Variants in ANXA8 observed in about 807,000 individuals in gnomAD.
ANXA8 encodes VAC-beta.
A neutral mutation model predicts 26.8 loss-of-function variants in ANXA8; 9 were observed. That is an observed-to-expected ratio of 0.34 (90% CI 0.20 to 0.59). The LOEUF is 0.59. ANXA8 is among the 20% of genes least tolerant of loss of function. ANXA8 has a pLI of 0.84. For missense variants in ANXA8, 83 were observed against 238.5 expected (o/e 0.35, Z 4.29); for synonymous variants, 39 against 94.8 (o/e 0.41, Z 3.42).
the ANXA8 span, among the ~76,000 whole-genome samples, chr10:47,684,398 G>A: frequency 7.0e-6 from 1 of 142,506 alleles, no homozygotes; most frequent in Non-Finnish European, 1.5e-5. Context: ...AATTAATAGG[G>A]CCACTTTCTA....
the ANXA8 span, among the ~76,000 whole-genome samples, chr10:47,977,612 A>G: frequency 8.7e-4 from 132 of 151,712 alleles, 2 homozygotes; most frequent in African/African-American, 3.0e-3. Context: ...CATATCAATA[A>G]AGAGATAGAA....
the ANXA8 span, among the ~76,000 whole-genome samples, chr10:47,683,378 G>A: frequency 4.9e-4 from 75 of 151,530 alleles, no homozygotes; most frequent in East Asian, 0.01. Flanking sequence ...ACAGGCGCCC[G>A]CCACCACGCC....
chr10:47,648,134 C>A, the ANXA8 span, among the ~76,000 whole-genome samples: 118 of 151,684 alleles, frequency 7.8e-4, no homozygotes, highest in East Asian at 0.012. Context: ...GCTCCTAGGG[C>A]AAGGGGATGT....
chr10:47,595,680 T>A, the ANXA8 span, among the ~76,000 whole-genome samples: 1 of 130,422 alleles, frequency 7.7e-6, no homozygotes, highest in Non-Finnish European at 1.8e-5. Context: ...TATTGCTTAA[T>A]GACAAAGGGC....
chr10:47,585,262 T>A, the ANXA8 span, among the ~76,000 whole-genome samples: 1 of 10,936 alleles, frequency 9.1e-5, no homozygotes, highest in East Asian at 1.9e-3. Context: ...AGACTCCATC[T>A]CAAAAAAAAA....
At chr10:47,748,085 G>A in the ANXA8 span, among the ~76,000 whole-genome samples, 4 of 152,136 alleles carry the variant, frequency 2.6e-5, no homozygotes, top group Admixed American at 1.3e-4. Context: ...TAGAAGGGAG[G>A]AAGATGGGGC....
At chr10:47,901,166 G>A in the ANXA8 span, among the ~76,000 whole-genome samples, 1 of 132,850 alleles carries the variant, frequency 7.5e-6, no homozygotes, top group Non-Finnish European at 1.6e-5. Context: ...AAGTTCAGAA[G>A]GCAAGGATCT....
At chr10:47,498,064 T>TAGG in the ANXA8 span, among the ~76,000 whole-genome samples, 1 of 133,990 alleles carries the variant, frequency 7.5e-6, no homozygotes, top group African/African-American at 2.7e-5. Flanking sequence ...GGTTGGGTAA[T>TAGG]GTATATTCAC....
the ANXA8 span, among the ~76,000 whole-genome samples, chr10:47,670,508 A>G: frequency 6.6e-6 from 1 of 152,094 alleles, no homozygotes; most frequent in Non-Finnish European, 1.5e-5. Context: ...CAATTTCTCC[A>G]CATTTTTGCC....
At chr10:47,533,377 C>A in the ANXA8 span, among the ~76,000 whole-genome samples, 1 of 151,624 alleles carries the variant, frequency 6.6e-6, no homozygotes, top group Non-Finnish European at 1.5e-5. Flanking sequence ...TGGTCCAGTC[C>A]AAACCACCAT....
chr10:47,606,541 G>T, the ANXA8 span, among the ~76,000 whole-genome samples: 1 of 148,262 alleles, frequency 6.7e-6, no homozygotes, highest in Non-Finnish European at 1.5e-5. Context: ...AAAAGAACAA[G>T]ATCTTGTTCT....
the ANXA8 span, among the ~76,000 whole-genome samples, chr10:47,675,868 A>G: frequency 7.9e-5 from 12 of 151,740 alleles, no homozygotes; most frequent in South Asian, 2.1e-4. Context: ...AAAGGTTAAC[A>G]ATATGCTTGA....
At chr10:47,484,656 G>A, upstream of ANXA8, 2 of 922,082 alleles carry the variant, frequency 2.2e-6, no homozygotes, top group Middle Eastern at 3.5e-4. Context: ...CCATTCAGAG[G>A]CATCACTGGA....
At chr10:47,975,293 G>C in the ANXA8 span, among the ~76,000 whole-genome samples, 1 of 149,498 alleles carries the variant, frequency 6.7e-6, no homozygotes, top group African/African-American at 2.4e-5. Flanking sequence ...GTTCAAAGAA[G>C]AAAGTTATCA....
the ANXA8 span, among the ~76,000 whole-genome samples, chr10:47,959,784 C>CT: frequency 5.3e-5 from 8 of 150,324 alleles, no homozygotes; most frequent in Non-Finnish European, 8.8e-5. Context: ...CCCCTGGAAT[C>CT]TAGGTGAGCT....
At chr10:47,653,982 A>G in the ANXA8 span, among the ~76,000 whole-genome samples, 2 of 150,900 alleles carry the variant, frequency 1.3e-5, no homozygotes, top group South Asian at 2.1e-4. Context: ...GGGTAGGAAC[A>G]CCTAGGGATA....
At chr10:47,694,417 CTT>C in the ANXA8 span, among the ~76,000 whole-genome samples, 5,611 of 107,424 alleles carry the variant, frequency 0.052, 139 homozygotes, top group African/African-American at 0.16. Context: ...AGAAATCTTC[CTT>C]TTTTTTTTTT....
At chr10:47,533,236 C>CACATACACA in the ANXA8 span, among the ~76,000 whole-genome samples, 1 of 138,988 alleles carries the variant, frequency 7.2e-6, no homozygotes, top group Non-Finnish European at 1.5e-5. Flanking sequence ...CCCGCAGACA[C>CACATACACA]CCTAGTGGCC....
chr10:47,941,417 G>A, the ANXA8 span, among the ~76,000 whole-genome samples: 1 of 146,898 alleles, frequency 6.8e-6, no homozygotes, highest in Non-Finnish European at 1.5e-5. Flanking sequence ...CATTTTGGGA[G>A]GCCAAGGTAG....
Sources: gnomAD v4.1 joint callset for allele counts (sites outside exome capture counted in the v4.1 genomes callset) on GRCh38, gnomAD v4.1.1 for gene constraint, MANE v1.5 for transcripts, NCBI Gene and HGNC (gene_info 2026-07-23, HGNC 2026-07-21) for gene names.